Variants in CLSTN2 observed in about 807,000 individuals in gnomAD.
The protein encoded by CLSTN2 is calsyntenin 2.
Under a neutral mutation model 101.2 loss-of-function variants are expected in CLSTN2, and 48 were observed. That is an observed-to-expected ratio of 0.47 (90% CI 0.38 to 0.60). CLSTN2 has a LOEUF of 0.60. Among genes scored for constraint, CLSTN2 ranks in the 20% least tolerant of loss-of-function variants. CLSTN2 has a pLI of 0.00. For missense variants in CLSTN2, 1,160 were observed against 1,238.2 expected, an observed-to-expected ratio of 0.94 and a Z score of 0.95; for synonymous variants, 481 against 463.6, an observed-to-expected ratio of 1.04 and a Z score of -0.48.
chr3:140,526,645 A>AC (rs1553751556), intron 8 of CLSTN2, among the ~76,000 whole-genome samples: 13,320 of 150,616 alleles, frequency 0.088, 610 homozygotes, highest in African/African-American at 0.1. Flanking sequence ...AACAACAACA[A>AC]AAAAAAAACT....
At chr3:140,144,169 C>A (rs929605811) in intron 1 of CLSTN2, among the ~76,000 whole-genome samples, 8 of 152,158 alleles carry the variant, frequency 5.3e-5, no homozygotes, top group Non-Finnish European at 8.8e-5. Flanking sequence ...GAACTGACTT[C>A]CACAGTTATT....
intron 14 of CLSTN2, 44 bp from the exon 15 acceptor site, chr3:140,563,036 C>T (rs757908400): frequency 8.1e-6 from 13 of 1,612,118 alleles, no homozygotes; most frequent in Middle Eastern, 1.7e-4. Context: ...AACTGGCCCA[C>T]CTGCCACTCC....
chr3:140,093,233 A>G (rs1434179052), intron 1 of CLSTN2, among the ~76,000 whole-genome samples: 1 of 152,128 alleles, frequency 6.6e-6, no homozygotes, highest in African/African-American at 2.4e-5. Context: ...TATTTCACAG[A>G]TATTAATTAA....
At chr3:140,381,104 C>G (rs115465162) in intron 2 of CLSTN2, among the ~76,000 whole-genome samples, 222 of 152,298 alleles carry the variant, frequency 1.5e-3, no homozygotes, top group Middle Eastern at 3.4e-3. Flanking sequence ...AGGATCTTTC[C>G]TCGTCTGTTC....
At chr3:140,197,726 A>G (rs941294958) in intron 2 of CLSTN2, among the ~76,000 whole-genome samples, 2 of 152,214 alleles carry the variant, frequency 1.3e-5, no homozygotes, top group African/African-American at 4.8e-5. Context: ...CAAACGTCCT[A>G]CAATATACAG....
chr3:140,063,644 C>T (rs969319262), intron 1 of CLSTN2, among the ~76,000 whole-genome samples: 2 of 152,134 alleles, frequency 1.3e-5, no homozygotes, highest in African/African-American at 2.4e-5. Context: ...CCTGGCAGAA[C>T]CCCAGCAGTC....
chr3:140,289,220 A>G (rs948068723), intron 2 of CLSTN2, among the ~76,000 whole-genome samples: 4 of 152,170 alleles, frequency 2.6e-5, no homozygotes, highest in Admixed American at 2.0e-4. Flanking sequence ...TATAGAGGAA[A>G]CTGAGGCAGA....
At chr3:140,562,664 A>G in intron 13 of CLSTN2, 147 bp from the exon 14 acceptor site, 3 of 815,108 alleles carry the variant, frequency 3.7e-6, no homozygotes, top group East Asian at 2.6e-5. Flanking sequence ...ACTTCTGCAC[A>G]TTGTCTGCCC....
chr3:140,120,319 G>A (rs933941322), intron 1 of CLSTN2, among the ~76,000 whole-genome samples: 2 of 152,124 alleles, frequency 1.3e-5, no homozygotes, highest in Middle Eastern at 3.2e-3. Context: ...TATTATAAAG[G>A]CTATTACCAA....
At chr3:140,102,503 G>T (rs1163102282) in intron 1 of CLSTN2, among the ~76,000 whole-genome samples, 1 of 152,208 alleles carries the variant, frequency 6.6e-6, no homozygotes, top group Non-Finnish European at 1.5e-5. Context: ...AAAGAATCTT[G>T]CCTCTGATTT....
At chr3:140,040,873 CT>C (rs1237574087) in intron 1 of CLSTN2, among the ~76,000 whole-genome samples, 1 of 149,644 alleles carries the variant, frequency 6.7e-6, no homozygotes, top group East Asian at 2.0e-4. Flanking sequence ...GTGGATCTGG[CT>C]GTTAGGAGGG....
chr3:140,436,479 G>A (rs2088688836), intron 5 of CLSTN2, among the ~76,000 whole-genome samples: 1 of 152,252 alleles, frequency 6.6e-6, no homozygotes, highest in East Asian at 1.9e-4. Flanking sequence ...TGTCTAGAGA[G>A]ATTCTGTGAG....
At chr3:139,938,099 C>T (rs1935059726) in intron 1 of CLSTN2, among the ~76,000 whole-genome samples, 1 of 143,558 alleles carries the variant, frequency 7.0e-6, no homozygotes, top group African/African-American at 2.6e-5. Context: ...CTGCCTCTGA[C>T]TTTGCCATTT....
At chr3:139,936,167 C>T (rs189394307) in intron 1 of CLSTN2, among the ~76,000 whole-genome samples, 128 of 152,308 alleles carry the variant, frequency 8.4e-4, no homozygotes, top group African/African-American at 2.7e-3. Context: ...TTGACCTCCC[C>T]GCGCCTCCCG....
chr3:140,521,669 G>T (rs1453642711), intron 8 of CLSTN2, among the ~76,000 whole-genome samples: 2 of 152,178 alleles, frequency 1.3e-5, no homozygotes, highest in Non-Finnish European at 2.9e-5. Context: ...TGCATTGTGG[G>T]GGACCCTTCC....
chr3:140,022,695 G>A (rs762306075), intron 1 of CLSTN2, among the ~76,000 whole-genome samples: 17 of 152,174 alleles, frequency 1.1e-4, no homozygotes, highest in Non-Finnish European at 2.4e-4. Flanking sequence ...GGATGGAGGT[G>A]GGGGTGGTGG....
At position 140,247,470 on chromosome 3, in the gene CLSTN2, T is replaced by C. The variant is rs539278921; in HGVS notation, c.232+71397T>C. Among the ~76,000 whole-genome samples the C allele has an allele frequency of 1.3e-4, 20 of 152,356 alleles. No homozygotes were observed. In the South Asian group the frequency reaches 3.9e-3, roughly 30 times the overall value. On this transcript the variant is annotated intron_variant, in intron 2 of 16. Coordinates refer to ENST00000458420, the MANE Select transcript of CLSTN2 (RefSeq NM_022131.3). ...CAGAAGTACATTTACATGAAGCCAC[T>C]TTTATTTGATGCCTAAAATTATCAA...
At chr3:140,217,904 C>T (rs1003610505) in intron 2 of CLSTN2, among the ~76,000 whole-genome samples, 1 of 152,192 alleles carries the variant, frequency 6.6e-6, no homozygotes, top group African/African-American at 2.4e-5. Flanking sequence ...ACCTAATTTC[C>T]TTCAGCTCAG....
At chr3:140,544,161 C>T (rs1259863514) in intron 9 of CLSTN2, among the ~76,000 whole-genome samples, 1 of 152,200 alleles carries the variant, frequency 6.6e-6, no homozygotes, top group Non-Finnish European at 1.5e-5. Flanking sequence ...TGCAGGATGC[C>T]AGAAAATTGC....
Sources: allele counts gnomAD v4.1 joint callset (sites outside exome capture counted in the v4.1 genomes callset), GRCh38; gene constraint gnomAD v4.1.1; transcripts MANE v1.5; gene names NCBI Gene and HGNC (gene_info 2026-07-23, HGNC 2026-07-21).